The following SHROOM2 variants were observed in gnomAD, a reference collection of about 807,000 sequenced individuals.
SHROOM2 encodes shroom family member 2, also known as protein Shroom2.
Under a neutral mutation model 75.9 loss-of-function variants are expected in SHROOM2, and 33 were observed. That is an observed-to-expected ratio of 0.43 (90% CI 0.33 to 0.58). SHROOM2 has a LOEUF of 0.58. Among genes scored for constraint, SHROOM2 ranks in the 20% least tolerant of loss-of-function variants. The pLI is 0.04. For synonymous variants in SHROOM2, 655 were observed against 663.6 expected (o/e 0.99, Z 0.20); for missense variants, 1,434 against 1,461.2 (o/e 0.98, Z 0.30).
intron 5 of SHROOM2, among the ~76,000 whole-genome samples, chrX:9,908,649 G>C (rs1046364932): frequency 1.8e-5 from 2 of 111,199 alleles, no homozygotes; most frequent in African/African-American, 6.5e-5. Context: ...AATTCTTGGA[G>C]GGTCTCCTTT....
intron 1 of SHROOM2, among the ~76,000 whole-genome samples, chrX:9,808,338 G>C: frequency 2.0e-5 from 2 of 102,557 alleles, no homozygotes; most frequent in Non-Finnish European, 3.9e-5. Context: ...GAGCCCAGGA[G>C]TTCGAGACCA....
intron 1 of SHROOM2, among the ~76,000 whole-genome samples, chrX:9,827,811 T>C (rs1265133772): frequency 9.1e-6 from 1 of 110,132 alleles, no homozygotes; most frequent in Non-Finnish European, 1.9e-5. Context: ...ATAGGGTCCT[T>C]CCGGGTCGGG....
At chrX:9,820,116 ATTT>A (rs56091740) in intron 1 of SHROOM2, among the ~76,000 whole-genome samples, 70 of 94,286 alleles carry the variant, frequency 7.4e-4, no homozygotes, top group African/African-American at 2.6e-3. Context: ...CACCTTTAAA[ATTT>A]TTTTTTTTTT....
At chrX:9,801,704 A>T (rs1029657652) in intron 1 of SHROOM2, among the ~76,000 whole-genome samples, 1 of 112,067 alleles carries the variant, frequency 8.9e-6, no homozygotes, top group African/African-American at 3.2e-5. Context: ...ATGTAATCCT[A>T]GCACTTGGGA....
intron 1 of SHROOM2, among the ~76,000 whole-genome samples, chrX:9,795,661 T>A (rs2083691267): frequency 9.0e-6 from 1 of 111,492 alleles, no homozygotes; most frequent in African/African-American, 3.3e-5. Context: ...GTTTGGACAC[T>A]CCGTGCATGG....
intron 1 of SHROOM2, among the ~76,000 whole-genome samples, chrX:9,854,355 C>T (rs765819862): frequency 8.8e-4 from 98 of 111,432 alleles, no homozygotes; most frequent in African/African-American, 3.1e-3. Context: ...GAAGGGGTGT[C>T]GGGATGGCTC....
chrX:9,872,777 T>C lies in SHROOM2; in HGVS notation c.166-875T>C, dbSNP rs936432091. 4.5e-5 allele frequency among the ~76,000 whole-genome samples: 5 copies of C among 111,727 alleles called. 1 individual carries two copies. The highest frequency in any genetic ancestry group is 3.8e-5 in the Non-Finnish European group (2 of 53,158). ...AGAAATTGGAACCTTCATACACCGA[T>C]GGTGGGAATGTAAAACGGTACAGCT... On this transcript the variant is annotated intron_variant, in intron 1 of 9. Transcript: ENST00000380913.
intron 2 of SHROOM2, among the ~76,000 whole-genome samples, chrX:9,880,164 C>T (rs1316822794): frequency 1.8e-5 from 2 of 112,198 alleles, no homozygotes; most frequent in African/African-American, 3.2e-5. Context: ...TAGTGTCCTG[C>T]GAGAGGCAGC....
At chrX:9,799,196 C>G (rs945606895) in intron 1 of SHROOM2, among the ~76,000 whole-genome samples, 2 of 78,855 alleles carry the variant, frequency 2.5e-5, no homozygotes, top group South Asian at 1.6e-3. Flanking sequence ...GAGATGGAGT[C>G]TGGCTCTGTC....
chrX:9,810,291 G>A (rs774112622), intron 1 of SHROOM2, among the ~76,000 whole-genome samples: 68 of 110,780 alleles, frequency 6.1e-4, no homozygotes, highest in African/African-American at 2.1e-3. Context: ...TTTGTAGTCC[G>A]GCCTGGATTG....
chrX:9,857,163 A>G (rs748697355), intron 1 of SHROOM2, among the ~76,000 whole-genome samples: 2 of 112,512 alleles, frequency 1.8e-5, no homozygotes, highest in African/African-American at 6.5e-5. Context: ...ATGAAGAGAA[A>G]CAGTGAGGGA....
intron 5 of SHROOM2, among the ~76,000 whole-genome samples, chrX:9,921,208 G>T (rs6640562): frequency 0.25 from 27,804 of 111,027 alleles, 2,590 homozygotes; most frequent in East Asian, 0.31. Context: ...AGTTATCCTC[G>T]GGAGAGAGGA....
chrX:9,865,351 CAG>C (rs1286079154), intron 1 of SHROOM2: 2 of 110,592 alleles, frequency 1.8e-5, no homozygotes, highest in African/African-American at 3.3e-5. Flanking sequence ...GGAAGGGAGA[CAG>C]GGGCTGCTGA....
intron 1 of SHROOM2, among the ~76,000 whole-genome samples, chrX:9,836,396 C>T (rs768793463): frequency 5.4e-5 from 6 of 110,451 alleles, no homozygotes; most frequent in East Asian, 5.7e-4. Context: ...TTTCTGGGCC[C>T]GGTTTAGCAT....
At chrX:9,932,110 C>T in intron 5 of SHROOM2, 65 bp from the exon 6 acceptor site, 1 of 1,008,929 alleles carries the variant, frequency 9.9e-7, no homozygotes, top group Non-Finnish European at 1.3e-6. Context: ...GATCCAGGTC[C>T]AGTCCCTTGT....
chrX:9,862,404 C>G lies in SHROOM2; in HGVS notation c.166-11248C>G, dbSNP rs1368442562. On this transcript the variant is annotated intron_variant, in intron 1 of 9. Transcript: ENST00000380913. ...TGGCTCACTAGGTAGTGGAGAAAGT[C>G]GCTGAGGGCCACCGCTGGCTGGAGA... is the stretch of plus-strand genomic sequence containing the variant. Among the ~76,000 whole-genome samples, 5 of 109,495 alleles carry G rather than the reference C, an allele frequency of 4.6e-5. No homozygotes were observed. The Admixed American group carries it at 4.9e-4, about 11-fold the overall frequency.
chrX:9,924,790 G>A (rs1288037513), intron 5 of SHROOM2, among the ~76,000 whole-genome samples: 3 of 111,492 alleles, frequency 2.7e-5, no homozygotes, highest in East Asian at 2.8e-4. Context: ...TGAGTAGTTG[G>A]GACTGCAGGC....
rs759298794 is a variant in SHROOM2 at position 9,937,408 on chromosome X, G to T, written c.3862G>T (p.Val1288Leu). The change falls in exon 7 of 10, where the codon GTG (valine) becomes TTG (leucine). Residue 1288 changes from valine to leucine, a missense_variant. Physicochemically the swap from Val to Leu is conservative, Grantham distance 32. Coordinates refer to ENST00000380913, the MANE Select transcript of SHROOM2 (RefSeq NM_001649.4). ...PAEPQPLGTQ[V>L]PPEKDRCTSP... The stretch of plus-strand genomic sequence containing the variant: ...TGAGCCCCAGCCCCTGGGCACCCAG[G>T]TGCCCCCCGAGAAAGACCGCTGCAC... The T allele has an allele frequency of 8.3e-7, 1 of 1,208,806 alleles. No homozygotes were observed. Among genetic ancestry groups the T allele is most frequent in the African/African-American group, 1.7e-5 (1 of 57,784 alleles).
chrX:9,912,884 A>G (rs995214760), intron 5 of SHROOM2: 9 of 112,216 alleles, frequency 8.0e-5, no homozygotes, highest in African/African-American at 2.9e-4. Flanking sequence ...GTGTAAGGGC[A>G]TGCTCGCCGG....
Sources: gnomAD v4.1 joint callset for allele counts (sites outside exome capture counted in the v4.1 genomes callset) on GRCh38, gnomAD v4.1.1 for gene constraint, MANE v1.5 for transcripts, NCBI Gene and HGNC (gene_info 2026-07-23, HGNC 2026-07-21) for gene names.